The following PRSS38 variants were observed in gnomAD, a reference collection of about 807,000 sequenced individuals.
PRSS38 encodes the protein marapsin 2.
PRSS38 carries 22 observed loss-of-function variants against 26.8 expected under a neutral mutation model. The ratio of observed to expected loss-of-function variants is 0.82; its 90% confidence interval spans 0.59 to 1.17. The LOEUF (loss-of-function observed/expected upper bound fraction) is 1.17, where lower values mean the gene tolerates loss of function less well. Ranked by LOEUF, PRSS38 falls within the 50% of genes most tolerant of loss-of-function variation. The probability of loss-of-function intolerance (pLI) is 0.00; values close to 1 mark genes in which losing one functional copy is unlikely to be tolerated. For synonymous variants in PRSS38, 175 were observed against 172.1 expected (o/e 1.02, Z -0.13); for missense variants, 427 against 422.7 (o/e 1.01, Z -0.09).
intron 3 of PRSS38, among the ~76,000 whole-genome samples, chr1:227,834,525 C>T (rs780059614): frequency 3.3e-5 from 5 of 151,984 alleles, no homozygotes; most frequent in African/African-American, 9.7e-5. Flanking sequence ...AAAAATTAGC[C>T]GGGCGTGGTG....
intron 3 of PRSS38, among the ~76,000 whole-genome samples, chr1:227,842,457 G>A (rs1436976727): frequency 6.6e-6 from 1 of 152,144 alleles, no homozygotes; most frequent in Non-Finnish European, 1.5e-5. Context: ...TGCTCTTTCA[G>A]TGTTTGCTTG....
chr1:227,834,269 G>A (rs1665204979), intron 3 of PRSS38, among the ~76,000 whole-genome samples: 1 of 152,138 alleles, frequency 6.6e-6, no homozygotes, highest in Non-Finnish European at 1.5e-5. Context: ...CCCAGTTTGG[G>A]GTACTTTGTG....
chr1:227,830,023 G>T (rs889338350), intron 3 of PRSS38, among the ~76,000 whole-genome samples: 9 of 152,134 alleles, frequency 5.9e-5, no homozygotes, highest in Non-Finnish European at 1.2e-4. Context: ...ATAGGAGTAA[G>T]AAATGCTTTT....
rs146414180 is a variant in PRSS38 at position 227,816,139 on chromosome 1, G to C, written c.198G>C (p.Ala66=). 3 of 1,613,748 alleles carry C rather than the reference G, an allele frequency of 1.9e-6. No homozygotes were observed. The highest frequency in any genetic ancestry group is 3.3e-5 in the Admixed American group (2 of 60,008). ...GGAAAATCCTGGGCGGCGTCCCTGC[G>C]CCCGAGAGGAAGTGGCCGTGGCAGG... The change falls in exon 2 of 5, where the codon GCG becomes GCC. Residue 66 remains alanine (A), a synonymous_variant. Transcript: ENST00000366757. This position sits in a 1 kb window ranked among gnomAD's most constrained non-coding sequence, Gnocchi z 5.1.
chr1:227,823,149 A>G (rs1665026499), intron 3 of PRSS38, among the ~76,000 whole-genome samples: 1 of 151,962 alleles, frequency 6.6e-6, no homozygotes, highest in South Asian at 2.1e-4. Context: ...TGTGTTGTGA[A>G]CTTTATTTAG....
At chr1:227,826,195 T>C (rs566104350) in intron 3 of PRSS38, among the ~76,000 whole-genome samples, 1 of 152,262 alleles carries the variant, frequency 6.6e-6, no homozygotes, top group Admixed American at 6.5e-5. Flanking sequence ...CTGTTGTCAG[T>C]GTATAGGAAT....
At chr1:227,838,904 C>T (rs1425840256) in intron 3 of PRSS38, among the ~76,000 whole-genome samples, 2 of 152,238 alleles carry the variant, frequency 1.3e-5, no homozygotes, top group African/African-American at 4.8e-5. Context: ...GCCCAGGTCT[C>T]GAGCTCCTGG....
intron 3 of PRSS38, among the ~76,000 whole-genome samples, chr1:227,843,637 G>T (rs575999014): frequency 3.5e-4 from 54 of 152,226 alleles, no homozygotes; most frequent in Admixed American, 2.9e-3. Flanking sequence ...GGGAGGCAGA[G>T]GTTGCAGTGA....
intron 3 of PRSS38, 143 bp from the exon 4 acceptor site, chr1:227,845,327 C>T (rs1232084225): frequency 1.6e-6 from 1 of 618,340 alleles, no homozygotes; most frequent in Non-Finnish European, 2.9e-6. Flanking sequence ...TGGGACTCAT[C>T]CCTATGTGTC....
At chr1:227,835,753 G>A (rs1406801761) in intron 3 of PRSS38, among the ~76,000 whole-genome samples, 3 of 152,192 alleles carry the variant, frequency 2.0e-5, no homozygotes, top group Non-Finnish European at 4.4e-5. Context: ...ATCTGGAACA[G>A]GCAAATCATA....
chr1:227,816,440 C>A lies in PRSS38; in HGVS notation c.311+188C>A, dbSNP rs555811193. ...CCAAACACACAGCTGGGTCCCCATT[C>A]TTGAGGCTGGTCCCCCAAGTGCACA... On this transcript the variant is annotated intron_variant, in intron 2 of 4. Coordinates refer to ENST00000366757, the Ensembl canonical transcript of PRSS38. This position sits in a 1 kb window ranked among gnomAD's most constrained non-coding sequence, Gnocchi z 5.1. Among the ~76,000 whole-genome samples the A allele has an allele frequency of 1.7e-4, 26 of 151,980 alleles. No homozygotes were observed. The highest frequency in any genetic ancestry group is 6.3e-4 in the African/African-American group (26 of 41,462).
intron 3 of PRSS38, among the ~76,000 whole-genome samples, chr1:227,837,189 C>T (rs1197452414): frequency 6.6e-6 from 1 of 152,182 alleles, no homozygotes; most frequent in Admixed American, 6.5e-5. Flanking sequence ...GTTGCACTAC[C>T]ATCACCACCC....
At chr1:227,823,346 A>G (rs1665028783) in intron 3 of PRSS38, among the ~76,000 whole-genome samples, 1 of 151,594 alleles carries the variant, frequency 6.6e-6, no homozygotes, top group Non-Finnish European at 1.5e-5. Context: ...AATAATATAT[A>G]TACACAAACA....
At chr1:227,835,623 A>G (rs1665226991) in intron 3 of PRSS38, among the ~76,000 whole-genome samples, 1 of 152,222 alleles carries the variant, frequency 6.6e-6, no homozygotes, top group Non-Finnish European at 1.5e-5. Flanking sequence ...AGGATGGAAA[A>G]GTATTTCAAC....
intron 3 of PRSS38, among the ~76,000 whole-genome samples, chr1:227,831,798 G>A (rs939205308): frequency 7.9e-5 from 12 of 152,120 alleles, no homozygotes; most frequent in African/African-American, 2.9e-4. Context: ...GTTGCAGTGA[G>A]CCAAGATTAC....
chr1:227,817,538 G>A, intron 3 of PRSS38, 58 bp downstream of exon 3: 1 of 1,572,490 alleles, frequency 6.4e-7, no homozygotes, highest in Non-Finnish European at 8.7e-7. Context: ...CCACCACAGG[G>A]AAGAAAATGC....
chr1:227,832,490 G>T (rs2102680403), intron 3 of PRSS38, among the ~76,000 whole-genome samples: 1 of 152,204 alleles, frequency 6.6e-6, no homozygotes, highest in South Asian at 2.1e-4. Context: ...AACAGTGGTT[G>T]TAGGGCTTGC....
chr1:227,846,266 C>T (rs1272212881), exon 5 of PRSS38: 2 of 1,581,452 alleles, frequency 1.3e-6, no homozygotes, highest in African/African-American at 2.7e-5. Flanking sequence ...AGCCCAGCTG[C>T]CTCCAGACCC....
chr1:227,818,357 C>T (rs4128390), intron 3 of PRSS38, among the ~76,000 whole-genome samples: 87,788 of 152,040 alleles, frequency 0.58, 27,057 homozygotes, highest in African/African-American at 0.79. Flanking sequence ...TCATATAGTT[C>T]TGCTCTTTTA....
Sources: allele counts gnomAD v4.1 joint callset (sites outside exome capture counted in the v4.1 genomes callset), GRCh38; gene constraint gnomAD v4.1.1; non-coding constraint Gnocchi (gnomAD v3.1); transcripts MANE v1.5; gene names NCBI Gene and HGNC (gene_info 2026-07-23, HGNC 2026-07-21).